Variants in PDE8B observed in about 807,000 individuals in gnomAD.
PDE8B encodes high affinity cAMP-specific and IBMX-insensitive 3',5'-cyclic phosphodiesterase 8B.
In PDE8B, 26 loss-of-function variants were observed where a neutral mutation model predicts 101.3. That is an observed-to-expected ratio of 0.26 (90% CI 0.19 to 0.36). The LOEUF is 0.36. Ranked by LOEUF, PDE8B falls within the 10% of genes least tolerant of loss-of-function variation. The pLI, the probability that PDE8B is intolerant of heterozygous loss-of-function variation, is 1.00. For synonymous variants in PDE8B, 424 were observed against 429.3 expected (o/e 0.99, Z 0.15); for missense variants, 810 against 1,163.1 (o/e 0.70, Z 4.42).
At chr5:77,144,069 T>A in the PDE8B span, 1 of 152,122 alleles carries the variant, frequency 6.6e-6, no homozygotes, top group Non-Finnish European at 1.5e-5. Context: ...AATCTCAGCC[T>A]TTGGTCCATT....
intron 10 of PDE8B, among the ~76,000 whole-genome samples, chr5:77,361,760 C>T (rs1454662797): frequency 2.6e-5 from 4 of 152,058 alleles, no homozygotes; most frequent in Non-Finnish European, 5.9e-5. Context: ...GTGATCCACC[C>T]GCCTCGGCCT....
intron 1 of PDE8B, among the ~76,000 whole-genome samples, chr5:77,245,679 A>G (rs956256370): frequency 6.6e-6 from 1 of 152,222 alleles, no homozygotes; most frequent in Admixed American, 6.5e-5. Context: ...TTTGACCCTC[A>G]CAGCAGCCCC....
chr5:77,182,041 A>G, the PDE8B span, among the ~76,000 whole-genome samples: 1 of 135,770 alleles, frequency 7.4e-6, no homozygotes, highest in South Asian at 2.4e-4. Flanking sequence ...TGGCAAGAGC[A>G]TGGATTGGAG....
chr5:77,261,127 A>C (rs1466382277), intron 1 of PDE8B, among the ~76,000 whole-genome samples: 1 of 152,202 alleles, frequency 6.6e-6, no homozygotes, highest in African/African-American at 2.4e-5. Context: ...GGTATCTTTA[A>C]AAAGTTTAGA....
At chr5:77,330,304 A>C (rs1174613456) in intron 4 of PDE8B, among the ~76,000 whole-genome samples, 1 of 152,116 alleles carries the variant, frequency 6.6e-6, no homozygotes, top group Non-Finnish European at 1.5e-5. Flanking sequence ...TGTTTTTCTG[A>C]CTCATATGGC....
intron 10 of PDE8B, among the ~76,000 whole-genome samples, chr5:77,371,585 T>C (rs2150683906): frequency 6.6e-6 from 1 of 152,308 alleles, no homozygotes; most frequent in African/African-American, 2.4e-5. Flanking sequence ...TCAATTTCTA[T>C]ATAAATTTTA....
intron 1 of PDE8B, chr5:77,291,006 A>C: frequency 6.2e-7 from 1 of 1,612,168 alleles, no homozygotes; most frequent in Non-Finnish European, 8.5e-7. Context: ...CTTCACCGGG[A>C]GCACTCAGGT....
the PDE8B span, among the ~76,000 whole-genome samples, chr5:77,180,186 C>G: frequency 6.6e-6 from 1 of 152,184 alleles, no homozygotes; most frequent in Non-Finnish European, 1.5e-5. Context: ...CAGAGCGGAG[C>G]AGCTCAGCGG....
chr5:77,409,519 C>A (rs1397718404), intron 14 of PDE8B, among the ~76,000 whole-genome samples: 1 of 151,878 alleles, frequency 6.6e-6, no homozygotes, highest in East Asian at 1.9e-4. Flanking sequence ...TATAGAAGTT[C>A]CATTTATAAG....
At chr5:77,233,696 G>GTA (rs1330051908) in intron 1 of PDE8B, among the ~76,000 whole-genome samples, 24 of 143,082 alleles carry the variant, frequency 1.7e-4, no homozygotes, top group African/African-American at 6.1e-4. Flanking sequence ...GTGTGTGTGT[G>GTA]TGTGCAGTAG....
At chr5:77,194,417 T>G in the PDE8B span, among the ~76,000 whole-genome samples, 1 of 152,240 alleles carries the variant, frequency 6.6e-6, no homozygotes. Flanking sequence ...TCACATTGAC[T>G]TTTTTATTGT....
chr5:77,173,637 T>A, the PDE8B span, among the ~76,000 whole-genome samples: 2 of 152,160 alleles, frequency 1.3e-5, no homozygotes, highest in Non-Finnish European at 2.9e-5. Context: ...CTTTTTTTAA[T>A]GTGAAGCCTA....
chr5:77,376,665 C>T (rs1156990021), intron 10 of PDE8B, among the ~76,000 whole-genome samples: 2 of 152,184 alleles, frequency 1.3e-5, no homozygotes, highest in Non-Finnish European at 2.9e-5. Flanking sequence ...TAATGAACAG[C>T]ATTTTCAGAA....
upstream of PDE8B, among the ~76,000 whole-genome samples, chr5:77,206,637 G>T (rs1034634303): frequency 1.3e-5 from 2 of 152,144 alleles, no homozygotes; most frequent in Non-Finnish European, 2.9e-5. Context: ...CAGCAAGGTC[G>T]CCAGGATCCA....
chr5:77,171,782 G>T, the PDE8B span, among the ~76,000 whole-genome samples: 1 of 152,308 alleles, frequency 6.6e-6, no homozygotes, highest in East Asian at 1.9e-4. Flanking sequence ...ATGGAACTTG[G>T]AAAGACTTCT....
At chr5:77,115,983 T>C in the PDE8B span, among the ~76,000 whole-genome samples, 2 of 152,046 alleles carry the variant, frequency 1.3e-5, no homozygotes, top group African/African-American at 2.4e-5. Flanking sequence ...TTTACTGTAA[T>C]GCATATAAAG....
At chr5:77,108,504 G>A in the PDE8B span, among the ~76,000 whole-genome samples, 12 of 152,054 alleles carry the variant, frequency 7.9e-5, no homozygotes, top group Non-Finnish European at 1.2e-4. Context: ...GCAGCATGGC[G>A]AAACCCCGTC....
At chr5:77,109,208 T>C in the PDE8B span, among the ~76,000 whole-genome samples, 1 of 152,258 alleles carries the variant, frequency 6.6e-6, no homozygotes, top group African/African-American at 2.4e-5. Context: ...CATTATCTGC[T>C]TTCTCCCCCT....
chr5:77,098,439 A>G, the PDE8B span, among the ~76,000 whole-genome samples: 1 of 152,008 alleles, frequency 6.6e-6, no homozygotes, highest in African/African-American at 2.4e-5. Context: ...ACATGCCACT[A>G]TACCCACCTA....
Sources: allele counts gnomAD v4.1 joint callset (sites outside exome capture counted in the v4.1 genomes callset), GRCh38; gene constraint gnomAD v4.1.1; transcripts MANE v1.5; gene names NCBI Gene and HGNC (gene_info 2026-07-23, HGNC 2026-07-21).